Variants in ST7L observed in about 807,000 individuals in gnomAD.
ST7L encodes suppression of tumorigenicity 7 like.
ST7L carries 57 observed loss-of-function variants against 72.5 expected under a neutral mutation model. The ratio of observed to expected loss-of-function variants is 0.79; its 90% CI spans 0.64 to 0.98. ST7L has a LOEUF of 0.98. Among genes scored for constraint, ST7L ranks in the 50% least tolerant of loss-of-function variants. The pLI, the probability that ST7L is intolerant of heterozygous loss-of-function variation, is 0.00. For synonymous variants in ST7L, 221 were observed against 240.9 expected (o/e 0.92, Z 0.77); for missense variants, 576 against 672.2 (o/e 0.86, Z 1.58).
At chr1:112,518,483 T>C in the ST7L span, 1 of 152,200 alleles carries the variant, frequency 6.6e-6, no homozygotes, top group Non-Finnish European at 1.5e-5. Flanking sequence ...ACCCAATTAA[T>C]GAAGAAAGTA....
At chr1:112,569,007 C>G (rs1158640945) in intron 11 of ST7L, among the ~76,000 whole-genome samples, 1 of 151,254 alleles carries the variant, frequency 6.6e-6, no homozygotes, top group Non-Finnish European at 1.5e-5. Flanking sequence ...AAATACAAAA[C>G]AAAACTACAA....
At chr1:112,563,097 TATA>T (rs146284524) in intron 11 of ST7L, among the ~76,000 whole-genome samples, 3,164 of 149,706 alleles carry the variant, frequency 0.021, 112 homozygotes, top group African/African-American at 0.072. Context: ...TTACTTTTGT[TATA>T]ATAATAATAA....
At chr1:112,554,626 T>G (rs555953364) in intron 12 of ST7L, among the ~76,000 whole-genome samples, 2 of 152,168 alleles carry the variant, frequency 1.3e-5, no homozygotes, top group African/African-American at 4.8e-5. Flanking sequence ...TCTGGGCATA[T>G]ACCCAAAAGA....
intron 5 of ST7L, among the ~76,000 whole-genome samples, chr1:112,594,864 A>AT (rs1444401839): frequency 6.6e-6 from 1 of 152,210 alleles, no homozygotes; most frequent in African/African-American, 2.4e-5. Context: ...TTTGACAGAA[A>AT]TATAATTAAA....
At chr1:112,520,152 A>ATTT (rs533376003), downstream of ST7L, 187 of 845,834 alleles carry the variant, frequency 2.2e-4, no homozygotes, top group East Asian at 4.7e-3. Context: ...GATGATAGGC[A>ATTT]TGAGTGAGCC....
chr1:112,619,394 C>A, upstream of ST7L: 1 of 552,262 alleles, frequency 1.8e-6, no homozygotes, highest in South Asian at 2.5e-5. Flanking sequence ...AAATGAGGGT[C>A]ACCTTTCACA....
At chr1:112,519,253 C>T (rs1652724832), downstream of ST7L, among the ~76,000 whole-genome samples, 1 of 152,084 alleles carries the variant, frequency 6.6e-6, no homozygotes, top group Non-Finnish European at 1.5e-5. Context: ...ACCTGTGTTC[C>T]ACTATATGAA....
chr1:112,527,682 A>G (rs1290693997), intron 14 of ST7L: 1 of 152,532 alleles, frequency 6.6e-6, no homozygotes, highest in Admixed American at 6.5e-5. Context: ...ACCTACTCCC[A>G]TTTTCAGGTC....
chr1:112,611,099 C>T, intron 2 of ST7L, 96 bp from the exon 3 acceptor site: 1 of 1,183,278 alleles, frequency 8.5e-7, no homozygotes, highest in Non-Finnish European at 1.2e-6. Flanking sequence ...TTCAATTCAG[C>T]ATTTTAAATG....
chr1:112,555,858 G>T lies in ST7L; in HGVS notation c.1396+10C>A. The T allele has an allele frequency of 6.7e-7, 1 of 1,490,842 alleles. No individual in the cohort carries two copies. The highest frequency in any genetic ancestry group is 9.0e-7 in the Non-Finnish European group (1 of 1,114,068). 92.4% of individuals were successfully genotyped at this position (1,490,842 alleles called of 1,614,324 possible). A position where few individuals can be genotyped will look rare whatever the true frequency, so the allele number is the denominator to read the frequency against. On this transcript the variant is annotated intron_variant, in intron 12 of 14. Coordinates refer to ENST00000358039, the MANE Select transcript of ST7L (RefSeq NM_017744.5). ...AGAGATTAGTGTTACTTTTGGAAAA[G>T]AATACTTACTGCCTTCCCATGTACA...
At chr1:112,605,762 G>A (rs1558051547) in intron 3 of ST7L, among the ~76,000 whole-genome samples, 1 of 152,158 alleles carries the variant, frequency 6.6e-6, no homozygotes, top group Admixed American at 6.5e-5. Context: ...TACTGGGGTG[G>A]CAGTGTCACC....
chr1:112,610,767 T>C, intron 3 of ST7L, 74 bp downstream of exon 3: 2 of 1,548,560 alleles, frequency 1.3e-6, no homozygotes, highest in South Asian at 1.2e-5. Flanking sequence ...TCTGCTGTTT[T>C]GAGTTTTCTA....
At chr1:112,567,339 T>C (rs937972181) in intron 11 of ST7L, among the ~76,000 whole-genome samples, 5 of 152,220 alleles carry the variant, frequency 3.3e-5, no homozygotes, top group Non-Finnish European at 5.9e-5. Context: ...ATTGTGTTTT[T>C]TTATATGTAT....
At chr1:112,556,665 G>A (rs1659157812) in intron 11 of ST7L, among the ~76,000 whole-genome samples, 1 of 152,058 alleles carries the variant, frequency 6.6e-6, no homozygotes, top group African/African-American at 2.4e-5. Context: ...ACTACGGTGA[G>A]TACTTTATTA....
chr1:112,597,934 G>A (rs773182604), intron 5 of ST7L, 37 bp downstream of exon 5: 2 of 1,452,418 alleles, frequency 1.4e-6, no homozygotes, highest in African/African-American at 1.4e-5. Context: ...TGATCTTCAT[G>A]ATCACTGTTT....
intron 11 of ST7L, among the ~76,000 whole-genome samples, chr1:112,566,539 C>T (rs904184809): frequency 2.0e-5 from 3 of 151,958 alleles, no homozygotes; most frequent in Non-Finnish European, 2.9e-5. Context: ...CCTCGTGATC[C>T]GCCCTCCTCA....
chr1:112,534,533 T>C (rs1434056969), intron 14 of ST7L, among the ~76,000 whole-genome samples: 2 of 152,194 alleles, frequency 1.3e-5, no homozygotes, highest in Admixed American at 6.5e-5. Flanking sequence ...TGGTTTAGAA[T>C]TGTAATATAT....
rs1666973198 is a variant in ST7L at position 112,599,076 on chromosome 1, ATATATATATATATATAT to A, written c.507-1007_507-991del. ...CTCAGCCTCAAAAAAAAAAAAAAAT[ATATATATATATATATAT>A]ATATATATATATATATATGTGGATG... On this transcript the variant is annotated intron_variant, in intron 4 of 14. Coordinates refer to ENST00000358039, the MANE Select transcript of ST7L (RefSeq NM_017744.5). Among the ~76,000 whole-genome samples, 14 of 42,742 alleles carry A rather than the reference ATATATATATATATATAT, an allele frequency of 3.3e-4. 1 individual carries two copies. Among genetic ancestry groups the A allele is most frequent in the African/African-American group, 1.4e-3 (14 of 9,996 alleles). The allele number at this position is 42,742 out of a possible 152,430, so 28.0% of individuals were successfully genotyped here.
chr1:112,619,056 CA>C lies in ST7L; in HGVS notation c.57del (p.Val20SerfsTer4). ...EAAAVGASPA[S>X]VPGLNPTLGW... ...CCTAGCGTCGGGTTTAGGCCAGGGACAGATGCAGGAGACGCTCCAACAGCTG... is the reference window on the plus strand; with the variant it reads ...CCTAGCGTCGGGTTTAGGCCAGGGACGATGCAGGAGACGCTCCAACAGCTG... On this transcript the variant is annotated frameshift_variant, in exon 1 of 15. Coordinates refer to ENST00000358039, the MANE Select transcript of ST7L (RefSeq NM_017744.5). LOFTEE classifies it high-confidence loss of function. 14 of 1,613,948 alleles carry C rather than the reference CA, an allele frequency of 8.7e-6. No individual in the cohort carries two copies. Among genetic ancestry groups the C allele is most frequent in the Non-Finnish European group, 1.2e-5 (14 of 1,180,010 alleles).
Sources: allele counts gnomAD v4.1 joint callset (sites outside exome capture counted in the v4.1 genomes callset), GRCh38; gene constraint gnomAD v4.1.1; transcripts MANE v1.5; gene names NCBI Gene and HGNC (gene_info 2026-07-23, HGNC 2026-07-21).